Variants in ZNF804A observed in about 807,000 individuals in gnomAD.
ZNF804A encodes the protein zinc finger protein 804A.
ZNF804A carries 2 observed loss-of-function variants against 16.5 expected under a neutral mutation model. The ratio of observed to expected loss-of-function variants is 0.12; its 90% CI spans 0.05 to 0.38. ZNF804A has a LOEUF of 0.38. Ranked by LOEUF, ZNF804A falls within the 10% of genes least tolerant of loss-of-function variation. ZNF804A has a pLI of 0.99. For missense variants in ZNF804A, 1,473 were observed against 1,390.7 expected (o/e 1.06, Z -0.94); for synonymous variants, 534 against 489.6 (o/e 1.09, Z -1.20).
At chr2:184,740,245 G>C (rs1003811276) in intron 1 of ZNF804A, among the ~76,000 whole-genome samples, 2 of 152,118 alleles carry the variant, frequency 1.3e-5, no homozygotes, top group Non-Finnish European at 2.9e-5. Flanking sequence ...ATGTGCATTT[G>C]TTAGAAATAT....
intron 1 of ZNF804A, among the ~76,000 whole-genome samples, chr2:184,641,892 T>C (rs987942727): frequency 1.3e-5 from 2 of 152,206 alleles, no homozygotes; most frequent in Non-Finnish European, 2.9e-5. Context: ...TTTGTATTAA[T>C]GTAAAATAGG....
intron 1 of ZNF804A, among the ~76,000 whole-genome samples, chr2:184,736,767 C>A (rs1192393150): frequency 6.6e-6 from 1 of 151,718 alleles, no homozygotes; most frequent in Non-Finnish European, 1.5e-5. Flanking sequence ...TTTAACTTAA[C>A]AGTGGTTAAT....
intron 1 of ZNF804A, among the ~76,000 whole-genome samples, chr2:184,656,943 A>G (rs754153605): frequency 6.6e-6 from 1 of 151,964 alleles, no homozygotes; most frequent in Non-Finnish European, 1.5e-5. Flanking sequence ...GTAAAGGGTA[A>G]TTTTTTCATT....
chr2:184,877,678 G>C (rs1406520846), intron 2 of ZNF804A, among the ~76,000 whole-genome samples: 1 of 151,940 alleles, frequency 6.6e-6, no homozygotes, highest in Non-Finnish European at 1.5e-5. Context: ...CCAGAGTCTG[G>C]TATAGGTCCA....
chr2:184,813,707 A>C (rs1311924027), intron 1 of ZNF804A, among the ~76,000 whole-genome samples: 2 of 152,036 alleles, frequency 1.3e-5, no homozygotes, highest in Non-Finnish European at 2.9e-5. Flanking sequence ...CAAAGCAAAA[A>C]TTTAGTGTTA....
At chr2:184,639,068 CTTTTTTTTTT>C (rs34389839) in intron 1 of ZNF804A, among the ~76,000 whole-genome samples, 1 of 107,412 alleles carries the variant, frequency 9.3e-6, no homozygotes, top group Non-Finnish European at 1.8e-5. Flanking sequence ...AAGCCCCCTC[CTTTTTTTTTT>C]TTTTTTTTTT....
At chr2:184,621,290 A>G (rs760528123) in intron 1 of ZNF804A, among the ~76,000 whole-genome samples, 8 of 151,734 alleles carry the variant, frequency 5.3e-5, no homozygotes, top group Non-Finnish European at 7.4e-5. Flanking sequence ...ATATCAAGTA[A>G]GATACACTAT....
Position 184,793,083 on chromosome 2 carries a change from G to A in ZNF804A, c.112-73286G>A, listed in dbSNP as rs750463422. On this transcript the variant is annotated intron_variant, in intron 1 of 3. Coordinates refer to ENST00000302277, the MANE Select transcript of ZNF804A (RefSeq NM_194250.2). ...ATTGTGGCTTCCAGCTCCATCCATCGTGCTGCAAAGATCATGATTCCCTTC... is the reference window on the plus strand; with the variant it reads ...ATTGTGGCTTCCAGCTCCATCCATCATGCTGCAAAGATCATGATTCCCTTC... 1.1e-4 allele frequency among the ~76,000 whole-genome samples: 16 copies of A among 152,104 alleles called. No homozygotes were observed. In the East Asian group the frequency reaches 1.7e-3, roughly 17 times the overall value.
intron 2 of ZNF804A, among the ~76,000 whole-genome samples, chr2:184,894,953 A>G (rs914683474): frequency 1.7e-4 from 26 of 152,234 alleles, no homozygotes; most frequent in African/African-American, 6.0e-4. Flanking sequence ...TCGGCCTCCA[A>G]GATTCTTAAG....
chr2:184,765,751 A>G (rs916951196), intron 1 of ZNF804A, among the ~76,000 whole-genome samples: 1 of 152,054 alleles, frequency 6.6e-6, no homozygotes, highest in Non-Finnish European at 1.5e-5. Context: ...AGTTTTGTAT[A>G]CGGCTCGTCC....
chr2:184,609,034 G>A lies in ZNF804A; in HGVS notation c.111+9964G>A, dbSNP rs72897735. ...AATAGACACTTACGAATTCAAGGAGGACATAGTCCAAGAGTTTTAGGATAT... is the reference window on the plus strand; with the variant it reads ...AATAGACACTTACGAATTCAAGGAGAACATAGTCCAAGAGTTTTAGGATAT... On this transcript the variant is annotated intron_variant, in intron 1 of 3. Coordinates refer to ENST00000302277, the MANE Select transcript of ZNF804A (RefSeq NM_194250.2). Among the ~76,000 whole-genome samples, 1,041 of 152,292 alleles carry A rather than the reference G, an allele frequency of 6.8e-3. 8 individuals are homozygous for A. Among genetic ancestry groups the A allele is most frequent in the Non-Finnish European group, 0.011 (772 of 68,020 alleles).
chr2:184,852,257 C>CTCTCTT lies in ZNF804A; in HGVS notation c.112-14107_112-14106insTTCTCT, dbSNP rs1558982199. Among the ~76,000 whole-genome samples the CTCTCTT allele has an allele frequency of 2.3e-3, 351 of 151,078 alleles. 2 individuals are homozygous for CTCTCTT. Among genetic ancestry groups the CTCTCTT allele is most frequent in the African/African-American group, 8.0e-3 (328 of 41,252 alleles). On this transcript the variant is annotated intron_variant, in intron 1 of 3. Transcript: ENST00000302277. ...TCTCTCTCTCTCTCTCTCTCTCTCT[C>CTCTCTT]TCTCTATCTCTCAGAATATCCGATT... is the stretch of plus-strand genomic sequence containing the variant.
At chr2:184,744,419 T>G (rs1006540415) in intron 1 of ZNF804A, among the ~76,000 whole-genome samples, 5 of 151,888 alleles carry the variant, frequency 3.3e-5, no homozygotes, top group Non-Finnish European at 7.4e-5. Context: ...GATTAGACCA[T>G]GAGGGTGCAA....
intron 1 of ZNF804A, among the ~76,000 whole-genome samples, chr2:184,645,258 G>A (rs994653): frequency 0.11 from 17,071 of 152,056 alleles, 1,414 homozygotes; most frequent in East Asian, 0.29. Flanking sequence ...CATCCACATA[G>A]AAAGGAAATT....
At chr2:184,600,971 C>T (rs1201758157) in intron 1 of ZNF804A, among the ~76,000 whole-genome samples, 1 of 152,040 alleles carries the variant, frequency 6.6e-6, no homozygotes, top group East Asian at 1.9e-4. Flanking sequence ...TCAGAAAGAA[C>T]AAACAAGGAT....
chr2:184,818,208 T>G (rs1695012708), intron 1 of ZNF804A, among the ~76,000 whole-genome samples: 1 of 152,020 alleles, frequency 6.6e-6, no homozygotes, highest in Non-Finnish European at 1.5e-5. Flanking sequence ...ACAGTGGAAC[T>G]CTCAGCAGAA....
At chr2:184,800,477 T>C (rs1694706662) in intron 1 of ZNF804A, among the ~76,000 whole-genome samples, 1 of 151,622 alleles carries the variant, frequency 6.6e-6, no homozygotes, top group African/African-American at 2.4e-5. Context: ...CACATTAAGT[T>C]GCATTTTCTT....
chr2:184,850,457 G>T (rs961371360), intron 1 of ZNF804A, among the ~76,000 whole-genome samples: 13 of 151,870 alleles, frequency 8.6e-5, no homozygotes, highest in Non-Finnish European at 1.8e-4. Flanking sequence ...TGCATAGGAA[G>T]TATAGATTAT....
intron 1 of ZNF804A, among the ~76,000 whole-genome samples, chr2:184,739,466 T>C (rs999827657): frequency 2.6e-5 from 4 of 152,172 alleles, no homozygotes; most frequent in Non-Finnish European, 5.9e-5. Context: ...CGGTCGTGGC[T>C]CACTGCAACC....
Sources: gnomAD v4.1 joint callset for allele counts (sites outside exome capture counted in the v4.1 genomes callset) on GRCh38, gnomAD v4.1.1 for gene constraint, MANE v1.5 for transcripts, NCBI Gene and HGNC (gene_info 2026-07-23, HGNC 2026-07-21) for gene names.